LOXL1: variants seen among roughly 807,000 people sequenced by gnomAD.
The protein encoded by LOXL1 is lysyl oxidase like 1.
LOXL1 carries 31 observed loss-of-function variants against 62.2 expected under a neutral mutation model. That is an observed-to-expected ratio of 0.50 (90% CI 0.37 to 0.67). LOXL1 has a LOEUF of 0.67. LOXL1 is among the 30% of genes least tolerant of loss of function. The pLI, the probability that LOXL1 is intolerant of heterozygous loss-of-function variation, is 0.00. For synonymous variants in LOXL1, 403 were observed against 384.4 expected (o/e 1.05, Z -0.56); for missense variants, 775 against 843.4 (o/e 0.92, Z 1.00).
chr15:73,942,372 G>A (rs2068720005), intron 1 of LOXL1, among the ~76,000 whole-genome samples: 1 of 152,038 alleles, frequency 6.6e-6, no homozygotes, highest in African/African-American at 2.4e-5. Flanking sequence ...GGCTCTCTTG[G>A]TGGTTTACAA....
chr15:73,926,701 T>C lies in LOXL1; in HGVS notation c.-83T>C. Reference sequence around the variant, plus strand: ...GGGCAAGCAAGGAGCCTTCCTGTCCTCGAGGCCGTGGGAAGAGAAGCACGC... The same window carrying C: ...GGGCAAGCAAGGAGCCTTCCTGTCCCCGAGGCCGTGGGAAGAGAAGCACGC... On this transcript the variant is annotated 5_prime_UTR_variant, in exon 1 of 7. Coordinates refer to ENST00000261921, the MANE Select transcript of LOXL1 (RefSeq NM_005576.4). 1 of 1,349,740 alleles carries C rather than the reference T, an allele frequency of 7.4e-7. No individual in the cohort carries two copies. Among genetic ancestry groups the C allele is most frequent in the Non-Finnish European group, 9.6e-7 (1 of 1,045,640 alleles). The allele number at this position is 1,349,740 out of a possible 1,614,324, so 83.6% of individuals were successfully genotyped here.
intron 1 of LOXL1, among the ~76,000 whole-genome samples, chr15:73,936,972 G>C (rs2068677774): frequency 6.6e-6 from 1 of 152,216 alleles, no homozygotes; most frequent in Non-Finnish European, 1.5e-5. Context: ...CTGTGTTCAG[G>C]GGCCAGCTAG....
chr15:73,940,458 T>C (rs1341610405), intron 1 of LOXL1, among the ~76,000 whole-genome samples: 2 of 152,166 alleles, frequency 1.3e-5, no homozygotes, highest in Non-Finnish European at 2.9e-5. Flanking sequence ...TTCCTGTTTT[T>C]TTTTTTTTCC....
rs1463509276 is a variant in LOXL1 at position 73,927,836 on chromosome 15, G to A, written c.1053G>A (p.Gln351=). 1.5e-6 allele frequency: 2 copies of A among 1,345,022 alleles called. No homozygotes were observed. Among genetic ancestry groups the A allele is most frequent in the African/African-American group, 3.1e-5 (2 of 65,088 alleles). 83.3% of individuals were successfully genotyped at this position (1,345,022 alleles called of 1,614,324 possible). A position where few individuals can be genotyped will look rare whatever the true frequency, so the allele number is the denominator to read the frequency against. The change falls in exon 1 of 7, where the codon CAG becomes CAA. Residue 351 remains glutamine, a synonymous_variant. Coordinates refer to ENST00000261921, the MANE Select transcript of LOXL1 (RefSeq NM_005576.4). ...GTGGGGAGCGGAACGGCGCGCAGCA[G>A]GGCCGCCTCAGCGTGGGCAGCGTGT... ...PPGGERNGAQ[Q]GRLSVGSVYR...
At chr15:73,947,044 C>T (rs753123087) in intron 3 of LOXL1, 23 bp from the exon 4 acceptor site, 1 of 1,567,360 alleles carries the variant, frequency 6.4e-7, no homozygotes, top group Admixed American at 1.8e-5. Flanking sequence ...CCTCTTCTTT[C>T]TCCTTCTCTC....
At chr15:73,944,232 C>G (rs1408581740) in intron 2 of LOXL1, among the ~76,000 whole-genome samples, 1 of 152,334 alleles carries the variant, frequency 6.6e-6, no homozygotes, top group South Asian at 2.1e-4. Flanking sequence ...GAGGAACTTA[C>G]AGCCTCCATG....
intron 1 of LOXL1, among the ~76,000 whole-genome samples, chr15:73,939,284 C>G (rs2068697292): frequency 6.6e-6 from 1 of 152,266 alleles, no homozygotes; most frequent in African/African-American, 2.4e-5. Context: ...AACATACCAG[C>G]TATGGGAGGG....
Position 73,951,957 on chromosome 15 carries a change from C to A in LOXL1, c.*120C>A. The stretch of plus-strand genomic sequence containing the variant: ...AGGCACGGAGGGGCATCCCTCCCTG[C>A]CGGCCTCAGGGAGCGAACGTGGATG... On this transcript the variant is annotated 3_prime_UTR_variant, in exon 7 of 7. Transcript: ENST00000261921. 1.1e-6 allele frequency: 1 copy of A among 887,684 alleles called. No homozygotes were observed. Among genetic ancestry groups the A allele is most frequent in the South Asian group, 3.3e-5 (1 of 29,954 alleles). 55.0% of individuals were successfully genotyped at this position (887,684 alleles called of 1,614,324 possible). A position where few individuals can be genotyped will look rare whatever the true frequency, so the allele number is the denominator to read the frequency against.
chr15:73,945,367 C>T lies in LOXL1; in HGVS notation c.1212-1050C>T, dbSNP rs978433726. On this transcript the variant is annotated intron_variant, in intron 2 of 6. Transcript: ENST00000261921. The surrounding 1 kb of genome is among the most constrained non-coding windows in gnomAD (Gnocchi z 4.3). ...GTGCTGTTAGAGCTCACAGGCAATC[C>T]GGATCCTCTATGTAGAGCAATCAGG... Among the ~76,000 whole-genome samples, 3 of 152,174 alleles carry T rather than the reference C, an allele frequency of 2.0e-5. No homozygotes were observed. The highest frequency in any genetic ancestry group is 6.5e-5 in the Admixed American group (1 of 15,282).
chr15:73,928,453 G>A (rs1021726428), intron 1 of LOXL1, among the ~76,000 whole-genome samples: 1 of 152,198 alleles, frequency 6.6e-6, no homozygotes, highest in African/African-American at 2.4e-5. Context: ...CCAGGCAGGA[G>A]TCCGGACTTC....
chr15:73,949,613 T>C lies in LOXL1; in HGVS notation c.1718+39T>C, dbSNP rs186415803. On this transcript the variant is annotated intron_variant, in intron 6 of 6. Transcript: ENST00000261921. Reference sequence around the variant, plus strand: ...CACCACCCTTCCTGGCTCCGTCCCTTTCCTGCCTGGGGAGCAGGCAAGGCC... The same window carrying C: ...CACCACCCTTCCTGGCTCCGTCCCTCTCCTGCCTGGGGAGCAGGCAAGGCC... 9.0e-5 allele frequency: 131 copies of C among 1,452,452 alleles called. No homozygotes were observed. In the East Asian group the frequency reaches 2.5e-3, roughly 28 times the overall value. 90.0% of individuals were successfully genotyped at this position (1,452,452 alleles called of 1,614,324 possible). A position where few individuals can be genotyped will look rare whatever the true frequency, so the allele number is the denominator to read the frequency against.
chr15:73,931,366 G>A (rs1455764735), intron 1 of LOXL1, among the ~76,000 whole-genome samples: 2 of 152,106 alleles, frequency 1.3e-5, no homozygotes, highest in Non-Finnish European at 2.9e-5. Flanking sequence ...AGTCTGTCCT[G>A]CATGTGGGGC....
chr15:73,929,511 G>T (rs1045476041), intron 1 of LOXL1, among the ~76,000 whole-genome samples: 4 of 152,200 alleles, frequency 2.6e-5, no homozygotes, highest in African/African-American at 9.7e-5. Flanking sequence ...TCTCCACTGG[G>T]AACACTCACT....
At chr15:73,950,753 G>T (rs1471564550) in intron 6 of LOXL1, among the ~76,000 whole-genome samples, 1 of 152,228 alleles carries the variant, frequency 6.6e-6, no homozygotes, top group African/African-American at 2.4e-5. Context: ...GGCTCAGTCT[G>T]TGACCAGAGC....
chr15:73,941,919 G>A (rs2068716278), intron 1 of LOXL1: 1 of 232,002 alleles, frequency 4.3e-6, no homozygotes, highest in Non-Finnish European at 9.6e-6. Context: ...GAAGGTGGAG[G>A]GGCAGGAACA....
Position 73,927,629 on chromosome 15 carries a change from C to T in LOXL1, c.846C>T (p.Gly282=). Residue 282 remains glycine, a synonymous_variant, in exon 1 of 7, where the codon GGC becomes GGT. Transcript: ENST00000261921. Reference sequence around the variant, plus strand: ...ACTCGCACAGTCTGTACAGCGAGGGCACCCCCGGCTTCGAGCAGGCCTACC... The same window carrying T: ...ACTCGCACAGTCTGTACAGCGAGGGTACCCCCGGCTTCGAGCAGGCCTACC... The part of the protein sequence containing the change: ...RRYSHSLYSE[G]TPGFEQAYPD... 1 of 1,489,016 alleles carries T rather than the reference C, an allele frequency of 6.7e-7. No homozygotes were observed. 92.2% of individuals were successfully genotyped at this position (1,489,016 alleles called of 1,614,324 possible). A position where few individuals can be genotyped will look rare whatever the true frequency, so the allele number is the denominator to read the frequency against.
chr15:73,940,820 C>A (rs546597294), intron 1 of LOXL1, among the ~76,000 whole-genome samples: 1 of 152,250 alleles, frequency 6.6e-6, no homozygotes, highest in African/African-American at 2.4e-5. Flanking sequence ...TTGGCCCTCA[C>A]TGGCCCCACC....
chr15:73,938,872 C>A (rs1218423073), intron 1 of LOXL1, among the ~76,000 whole-genome samples: 1 of 152,140 alleles, frequency 6.6e-6, no homozygotes, highest in Non-Finnish European at 1.5e-5. Context: ...CAGAGCAAGA[C>A]CCTGTCTCAA....
intron 1 of LOXL1, among the ~76,000 whole-genome samples, chr15:73,937,962 A>G (rs1039235341): frequency 5.3e-5 from 8 of 152,260 alleles, no homozygotes; most frequent in African/African-American, 1.4e-4. Context: ...GTGTTTGTGG[A>G]GCGGGGAGTT....
Sources: gnomAD v4.1 joint callset for allele counts (sites outside exome capture counted in the v4.1 genomes callset) on GRCh38, gnomAD v4.1.1 for gene constraint, Gnocchi (gnomAD v3.1) non-coding constraint, MANE v1.5 for transcripts, NCBI Gene and HGNC (gene_info 2026-07-23, HGNC 2026-07-21) for gene names.